Variants in HIP1 observed in about 807,000 individuals in gnomAD.
The protein encoded by HIP1 is huntingtin-interacting protein 1.
Under a neutral mutation model 147.6 loss-of-function variants are expected in HIP1, and 65 were observed. The observed-to-expected ratio is 0.44, with a 90% confidence interval of 0.36 to 0.54. The LOEUF is 0.54. Ranked by LOEUF, HIP1 falls within the 20% of genes least tolerant of loss-of-function variation. The pLI, the probability that HIP1 is intolerant of heterozygous loss-of-function variation, is 0.00. For missense variants in HIP1, 1,061 were observed against 1,299.6 expected (o/e 0.82, Z 2.82); for synonymous variants, 479 against 504.0 (o/e 0.95, Z 0.67).
At chr7:75,726,643 T>C (rs928031150) in intron 1 of HIP1, among the ~76,000 whole-genome samples, 1 of 151,964 alleles carries the variant, frequency 6.6e-6, no homozygotes. Context: ...TTTCTTTTTT[T>C]AATATTTTTA....
At chr7:75,572,587 C>A (rs142525880) in intron 8 of HIP1, among the ~76,000 whole-genome samples, 2,517 of 152,280 alleles carry the variant, frequency 0.017, 42 homozygotes, top group Non-Finnish European at 0.025. Context: ...CCTGCCACTG[C>A]CATCATGCCA....
intron 1 of HIP1, among the ~76,000 whole-genome samples, chr7:75,640,107 A>G (rs1359388983): frequency 1.3e-5 from 2 of 152,214 alleles, no homozygotes; most frequent in Non-Finnish European, 2.9e-5. Flanking sequence ...GTGGCCTCAA[A>G]AGGTCTCCTG....
intron 1 of HIP1, among the ~76,000 whole-genome samples, chr7:75,720,946 G>A (rs782227096): frequency 5.3e-5 from 8 of 149,890 alleles, no homozygotes; most frequent in Non-Finnish European, 1.0e-4. Context: ...GCTGAGGCAG[G>A]AGAATCGCTT....
chr7:75,599,343 TC>T, intron 1 of HIP1, 96 bp from the exon 2 acceptor site: 2 of 950,178 alleles, frequency 2.1e-6, no homozygotes, highest in Non-Finnish European at 3.4e-6. Flanking sequence ...TTTCTCCTCC[TC>T]CAGCCAACCT....
At chr7:75,591,906 G>T in intron 4 of HIP1, 150 bp downstream of exon 4, 1 of 733,680 alleles carries the variant, frequency 1.4e-6, no homozygotes. Context: ...GTACTCTTTG[G>T]GGGCATCCTT....
At chr7:75,615,283 G>A (rs2117071690) in intron 1 of HIP1, among the ~76,000 whole-genome samples, 1 of 152,056 alleles carries the variant, frequency 6.6e-6, no homozygotes, top group South Asian at 2.1e-4. Context: ...GGCCAGGTGT[G>A]GCAGCTCATG....
intron 1 of HIP1, among the ~76,000 whole-genome samples, chr7:75,660,029 G>A (rs1170050029): frequency 6.6e-6 from 1 of 151,808 alleles, no homozygotes; most frequent in East Asian, 1.9e-4. Context: ...GGGAGGCTGA[G>A]GCGGAAGAAT....
intron 24 of HIP1, 68 bp downstream of exon 24, chr7:75,547,687 A>G: frequency 7.5e-7 from 1 of 1,336,288 alleles, no homozygotes; most frequent in South Asian, 1.2e-5. Context: ...ATAAGTATGC[A>G]AAGTATAGAC....
chr7:75,534,487 G>T lies in HIP1; in HGVS notation c.*3685C>A, dbSNP rs587648670. ...CTCACTCTGTGACCCAGGCTGGAGT[G>T]CAGTGGTGCGATCTTGGCTCACTAC... On this transcript the variant is annotated 3_prime_UTR_variant, in exon 31 of 31. Coordinates refer to ENST00000336926, the MANE Select transcript of HIP1 (RefSeq NM_005338.7). 1.1e-5 allele frequency: 2 copies of T among 178,224 alleles called. No individual in the cohort carries two copies. The highest frequency in any genetic ancestry group is 1.9e-4 in the East Asian group (2 of 10,770). 11.0% of individuals were successfully genotyped at this position (178,224 alleles called of 1,614,324 possible). A position where few individuals can be genotyped will look rare whatever the true frequency, so the allele number is the denominator to read the frequency against.
intron 1 of HIP1, among the ~76,000 whole-genome samples, chr7:75,703,483 A>G (rs1800898205): frequency 6.6e-6 from 1 of 152,162 alleles, no homozygotes; most frequent in Non-Finnish European, 1.5e-5. Flanking sequence ...ATCTCTACTA[A>G]AAATACAAAA....
intron 5 of HIP1, 53 bp from the exon 6 acceptor site, chr7:75,582,204 T>A: frequency 6.9e-7 from 1 of 1,448,240 alleles, no homozygotes; most frequent in African/African-American, 1.4e-5. Context: ...AAGAGCCCTC[T>A]CTCAGCCGGG....
intron 1 of HIP1, among the ~76,000 whole-genome samples, chr7:75,717,142 C>A (rs1158747727): frequency 6.6e-6 from 1 of 152,108 alleles, no homozygotes; most frequent in African/African-American, 2.4e-5. Flanking sequence ...TTACAAAGCC[C>A]TTGCCCATGT....
rs1447182311 is a variant in HIP1 at position 75,566,969 on chromosome 7, G to A, written c.803+1230C>T. On this transcript the variant is annotated intron_variant, in intron 9 of 30. Coordinates refer to ENST00000336926, the MANE Select transcript of HIP1 (RefSeq NM_005338.7). ...TCTACTAAAAATACAAAAATTAGTC[G>A]GGCATGGTGGTGGGCGCCTGTAATC... Among the ~76,000 whole-genome samples, 14 of 151,004 alleles carry A rather than the reference G, an allele frequency of 9.3e-5. 1 individual carries two copies. The highest frequency in any genetic ancestry group is 4.2e-4 in the South Asian group (2 of 4,814).
At chr7:75,726,682 G>C (rs1801659597) in intron 1 of HIP1, among the ~76,000 whole-genome samples, 1 of 151,196 alleles carries the variant, frequency 6.6e-6, no homozygotes, top group South Asian at 2.1e-4. Flanking sequence ...GGCATGTAGA[G>C]GTATCTCATT....
intron 1 of HIP1, among the ~76,000 whole-genome samples, chr7:75,717,155 A>G (rs566415497): frequency 1.3e-5 from 2 of 152,282 alleles, no homozygotes; most frequent in East Asian, 1.9e-4. Context: ...GCCCATGTGC[A>G]GTCTCACTTG....
At chr7:75,553,863 CAA>C (rs1341597027) in intron 21 of HIP1, among the ~76,000 whole-genome samples, 5 of 152,224 alleles carry the variant, frequency 3.3e-5, no homozygotes, top group African/African-American at 1.2e-4. Flanking sequence ...CTCGTCCTCC[CAA>C]AGTGTTACGG....
intron 1 of HIP1, among the ~76,000 whole-genome samples, chr7:75,732,451 G>A (rs1341439162): frequency 6.6e-6 from 1 of 151,982 alleles, no homozygotes. Context: ...GCTCACTGCC[G>A]CCTCAACTTC....
chr7:75,579,892 G>A (rs1215230009), intron 7 of HIP1, among the ~76,000 whole-genome samples: 1 of 152,172 alleles, frequency 6.6e-6, no homozygotes, highest in Admixed American at 6.6e-5. Context: ...GTCTTTCAGA[G>A]TTGGATGCTT....
At position 75,555,608 on chromosome 7, in the gene HIP1, A is replaced by G. The variant is rs587635405; in HGVS notation, c.1828-57T>C. On this transcript the variant is annotated intron_variant, in intron 18 of 30. Transcript: ENST00000336926. Reference sequence around the variant, plus strand: ...CCTAGACTCCATAATGAACCTGAGCAGGATGACCTGGCTGGGGCTCTTAGC... The same window carrying G: ...CCTAGACTCCATAATGAACCTGAGCGGGATGACCTGGCTGGGGCTCTTAGC... The G allele has an allele frequency of 8.8e-6, 14 of 1,597,528 alleles. No individual in the cohort carries two copies. In the East Asian group the frequency reaches 2.5e-4, roughly 28 times the overall value.
Sources: gnomAD v4.1 joint callset for allele counts (sites outside exome capture counted in the v4.1 genomes callset) on GRCh38, gnomAD v4.1.1 for gene constraint, MANE v1.5 for transcripts, NCBI Gene and HGNC (gene_info 2026-07-23, HGNC 2026-07-21) for gene names.